CDH4: variants seen among roughly 807,000 people sequenced by gnomAD.
CDH4 encodes cadherin 4, also known as cadherin-4.
CDH4 carries 33 observed loss-of-function variants against 86.0 expected under a neutral mutation model. The ratio of observed to expected loss-of-function variants is 0.38; its 90% CI spans 0.29 to 0.51. The LOEUF (loss-of-function observed/expected upper bound fraction) is 0.51, where lower values mean the gene tolerates loss of function less well. Ranked by LOEUF, CDH4 falls within the 20% of genes least tolerant of loss-of-function variation. The pLI is 0.86. For missense variants in CDH4, 1,114 were observed against 1,307.4 expected (o/e 0.85, Z 2.28); for synonymous variants, 555 against 549.4 (o/e 1.01, Z -0.14).
At chr20:61,799,419 C>A (rs940573936) in intron 4 of CDH4, among the ~76,000 whole-genome samples, 8 of 152,218 alleles carry the variant, frequency 5.3e-5, no homozygotes, top group African/African-American at 1.7e-4. Context: ...GGCCTCAATT[C>A]CCTGCAGGCT....
rs780170651 is a variant in CDH4 at position 61,894,933 on chromosome 20, C to T, written c.1074C>T (p.Ile358=). The change falls in exon 8 of 16, where the codon ATC becomes ATT. Residue 358 remains isoleucine (I), a synonymous_variant. Transcript: ENST00000614565. ...DREKVQQYTV[I]VQATDMEGNL... is the part of the protein sequence containing the mutation. ...AGAAAGTTCAGCAGTACACAGTCAT[C>T]GTTCAGGCCACAGATATGGAAGGAA... 3.9e-5 allele frequency: 63 copies of T among 1,613,860 alleles called. No homozygotes were observed. The highest frequency in any genetic ancestry group is 3.3e-4 in the Middle Eastern group (2 of 6,062).
chr20:61,719,212 A>C (rs1255785272), intron 2 of CDH4: 2 of 427,882 alleles, frequency 4.7e-6, no homozygotes, highest in Admixed American at 5.4e-5. Flanking sequence ...AAGTCTTGGT[A>C]GTTTTTGTTC....
Position 61,632,609 on chromosome 20 carries a change from C to G in CDH4, c.170-110954C>G, listed in dbSNP as rs1195879738. ...CCCACTCTACCCTCCACCCACTCCA[C>G]CCACTCGTCTGCTCACATCCATCCA... On this transcript the variant is annotated intron_variant, in intron 2 of 15. Coordinates refer to ENST00000614565, the MANE Select transcript of CDH4 (RefSeq NM_001794.5). Among the ~76,000 whole-genome samples, 6 of 151,990 alleles carry G rather than the reference C, an allele frequency of 3.9e-5. No individual in the cohort carries two copies. In the East Asian group the frequency reaches 9.7e-4, roughly 25 times the overall value.
chr20:61,900,742 G>T (rs887060430), intron 8 of CDH4, among the ~76,000 whole-genome samples: 17 of 152,322 alleles, frequency 1.1e-4, no homozygotes, highest in African/African-American at 3.8e-4. Context: ...GGGCCCAGGG[G>T]TTGGGGGTGG....
chr20:61,843,456 CAAAAAA>C (rs869283452), intron 4 of CDH4, among the ~76,000 whole-genome samples: 3 of 58,848 alleles, frequency 5.1e-5, no homozygotes, highest in African/African-American at 2.3e-4. Flanking sequence ...GACTCCGTCT[CAAAAAA>C]AAAAAAAAAA....
chr20:61,302,493 G>GT (rs113778391), intron 2 of CDH4, among the ~76,000 whole-genome samples: 4,065 of 151,746 alleles, frequency 0.027, 139 homozygotes, highest in East Asian at 0.13. Flanking sequence ...GGTTGGGGGG[G>GT]GTCTGTTGTC....
Position 61,844,842 on chromosome 20 carries a change from C to A in CDH4, c.732+19C>A. On this transcript the variant is annotated intron_variant, in intron 5 of 15. Coordinates refer to ENST00000614565, the MANE Select transcript of CDH4 (RefSeq NM_001794.5). ...TTACCACGTGAGTGTCCACACCCGG[C>A]TGAGAATGGGGCCCTGGGGTGGCGA... 1 of 1,601,214 alleles carries A rather than the reference C, an allele frequency of 6.2e-7. No homozygotes were observed. Among genetic ancestry groups the A allele is most frequent in the Non-Finnish European group, 8.5e-7 (1 of 1,171,528 alleles).
intron 2 of CDH4, among the ~76,000 whole-genome samples, chr20:61,485,662 T>C (rs2085592220): frequency 6.6e-6 from 1 of 152,054 alleles, no homozygotes; most frequent in Admixed American, 6.5e-5. Flanking sequence ...ATGGCGATGA[T>C]GGAGGATTCT....
intron 2 of CDH4, among the ~76,000 whole-genome samples, chr20:61,712,928 A>C (rs1227401631): frequency 1.3e-5 from 2 of 152,084 alleles, no homozygotes; most frequent in Non-Finnish European, 2.9e-5. Context: ...GTGAAATGTT[A>C]ATGTGCTAAT....
At chr20:61,545,960 TCG>T (rs1491390874) in intron 2 of CDH4, among the ~76,000 whole-genome samples, 7 of 43,856 alleles carry the variant, frequency 1.6e-4, no homozygotes, top group Non-Finnish European at 2.7e-4. Context: ...CGGTGTGTGT[TCG>T]TGTGTGTGTG....
chr20:61,302,770 G>A (rs952044693), intron 2 of CDH4, among the ~76,000 whole-genome samples: 11 of 152,186 alleles, frequency 7.2e-5, no homozygotes, highest in Non-Finnish European at 1.5e-5. Flanking sequence ...GTCTCACCTT[G>A]CCCCGCAGAA....
chr20:61,711,886 T>C (rs73314434), intron 2 of CDH4, among the ~76,000 whole-genome samples: 5,326 of 151,930 alleles, frequency 0.035, 301 homozygotes, highest in African/African-American at 0.12. Context: ...GGGCCAGCCA[T>C]GGAGACATCT....
At chr20:61,659,270 C>A (rs1286030779) in intron 2 of CDH4, among the ~76,000 whole-genome samples, 8 of 151,656 alleles carry the variant, frequency 5.3e-5, no homozygotes, top group Non-Finnish European at 1.2e-4. Context: ...AACTCTAGGG[C>A]AACCACTAAA....
chr20:61,371,778 G>A (rs539572876), intron 2 of CDH4, among the ~76,000 whole-genome samples: 10 of 152,350 alleles, frequency 6.6e-5, no homozygotes, highest in Middle Eastern at 6.8e-3. Context: ...GCGAAGGCTC[G>A]AGTCCAGAAC....
At chr20:61,258,287 GC>G (rs1301608858) in intron 2 of CDH4, among the ~76,000 whole-genome samples, 3 of 118,080 alleles carry the variant, frequency 2.5e-5, no homozygotes, top group Non-Finnish European at 4.8e-5. Context: ...TCGAGATCGC[GC>G]CACTGCACTC....
intron 2 of CDH4, among the ~76,000 whole-genome samples, chr20:61,662,979 C>A (rs374072197): frequency 6.6e-6 from 1 of 152,100 alleles, no homozygotes; most frequent in East Asian, 1.9e-4. Context: ...CCCTCAGGGC[C>A]TCTCCTCCTC....
At chr20:61,567,382 G>C (rs1177746062) in intron 2 of CDH4, among the ~76,000 whole-genome samples, 2 of 152,218 alleles carry the variant, frequency 1.3e-5, no homozygotes, top group African/African-American at 2.4e-5. Context: ...AGCAGATTCA[G>C]TGTGGGGTGA....
intron 2 of CDH4, among the ~76,000 whole-genome samples, chr20:61,349,811 G>C (rs1194918946): frequency 1.3e-5 from 2 of 152,208 alleles, no homozygotes; most frequent in African/African-American, 4.8e-5. Context: ...AGGAGCATGT[G>C]CTCCTAAGTT....
chr20:61,307,189 A>T (rs1054547499), intron 2 of CDH4, among the ~76,000 whole-genome samples: 6 of 152,214 alleles, frequency 3.9e-5, no homozygotes, highest in Admixed American at 2.0e-4. Context: ...CGGGGATGCA[A>T]AGGCGGATCT....
Sources: gnomAD v4.1 joint callset for allele counts (sites outside exome capture counted in the v4.1 genomes callset) on GRCh38, gnomAD v4.1.1 for gene constraint, MANE v1.5 for transcripts, NCBI Gene and HGNC (gene_info 2026-07-23, HGNC 2026-07-21) for gene names.